The following IDI1 variants were observed in gnomAD, a reference collection of about 807,000 sequenced individuals.
IDI1 encodes isopentenyl-diphosphate Delta-isomerase 1.
A neutral mutation model predicts 32.9 loss-of-function variants in IDI1; 23 were observed. That is an observed-to-expected ratio of 0.70 (90% CI 0.50 to 0.99). The LOEUF is 0.99. Among genes scored for constraint, IDI1 ranks in the 50% least tolerant of loss-of-function variants. IDI1 has a pLI of 0.00. For missense variants in IDI1, 326 were observed against 351.9 expected (o/e 0.93, Z 0.59); for synonymous variants, 133 against 128.2 (o/e 1.04, Z -0.25).
At chr10:1,053,305 C>T (rs908815623), upstream of IDI1, among the ~76,000 whole-genome samples, 1 of 152,154 alleles carries the variant, frequency 6.6e-6, no homozygotes, top group Non-Finnish European at 1.5e-5. Context: ...CCTGGCCTAT[C>T]TTGCACTTTT....
Position 1,042,760 on chromosome 10 carries a change from A to G in IDI1, c.409T>C (p.Cys137Arg). The G allele has an allele frequency of 1.2e-6, 2 of 1,613,670 alleles. No individual in the cohort carries two copies. The highest frequency in any genetic ancestry group is 1.7e-6 in the Non-Finnish European group (2 of 1,179,732). The change falls in exon 4 of 5, where the codon TGT (cysteine) becomes CGT (arginine). Residue 137 changes from cysteine (C) to arginine (R), a missense_variant and splice_region_variant. By Grantham distance (180) the Cys-to-Arg change is radical (BLOSUM62 -3). Transcript: ENST00000381344. The part of the protein sequence containing the change: ...RSDAKITFPG[C>R]FTNTCCSHPL... ...TGACTACAACACGTATTCGTAAAAC[A>G]ACCTGGAAAATGGTAATACAGAGAC...
upstream of IDI1, among the ~76,000 whole-genome samples, chr10:1,050,048 G>C (rs1832957881): frequency 6.6e-6 from 1 of 152,208 alleles, no homozygotes; most frequent in African/African-American, 2.4e-5. Flanking sequence ...TACTGAACTT[G>C]TGAGATGAAC....
intron 4 of IDI1, 87 bp from the exon 5 acceptor site, chr10:1,041,591 A>G: frequency 3.1e-6 from 2 of 651,508 alleles, no homozygotes; most frequent in Non-Finnish European, 2.6e-6. Flanking sequence ...TTACAGCGAT[A>G]TCTCGAACAG....
chr10:1,044,230 AAC>A, intron 1 of IDI1, 59 bp from the exon 2 acceptor site: 1 of 1,303,094 alleles, frequency 7.7e-7, no homozygotes, highest in Admixed American at 1.9e-5. Flanking sequence ...ATGTCATATA[AAC>A]ACAGGTTAAT....
chr10:1,053,721 T>C (rs531798523), upstream of IDI1, among the ~76,000 whole-genome samples: 1 of 152,294 alleles, frequency 6.6e-6, no homozygotes, highest in South Asian at 2.1e-4. Flanking sequence ...TTTAGGGCTA[T>C]TAATTGCCTG....
At chr10:1,049,261 G>T (rs1832913339), upstream of IDI1, 6 of 545,038 alleles carry the variant, frequency 1.1e-5, no homozygotes, top group Non-Finnish European at 1.8e-5. Context: ...TGCCGTGCGA[G>T]CCCGAGGCGC....
rs753609650 is a variant in IDI1, at chr10:1,041,492, C to A, written c.550G>T (p.Glu184Ter). Residue 184 changes from glutamate to a stop codon, truncating the protein, a stop_gained, in exon 5 of 5, where the codon GAA (glutamate) becomes TAA (stop). Transcript: ENST00000381344. LOFTEE classifies it high-confidence loss of function. ...TGAATTCGTGTTAAATAATTAATTT[C>A]TTCTGGAGGAACCTAAGACATTAAA... ...GIPLEEVPPEEINYLTRIHYK... is the reference protein window; with the variant it reads ...GIPLEEVPPE 6.4e-7 allele frequency: 1 copy of A among 1,554,638 alleles called. No individual in the cohort carries two copies. The highest frequency in any genetic ancestry group is 1.9e-5 in the Admixed American group (1 of 53,076).
At chr10:1,043,755 T>C (rs1564485537) in intron 2 of IDI1, 2 of 668,098 alleles carry the variant, frequency 3.0e-6, no homozygotes, top group Admixed American at 2.0e-5. Flanking sequence ...TCAGGGCTAG[T>C]CCCTCTTCTA....
chr10:1,048,560 G>C (rs1165405833), intron 1 of IDI1: 1 of 1,332,840 alleles, frequency 7.5e-7, no homozygotes, highest in Admixed American at 3.3e-5. Flanking sequence ...CCAGTTCCAC[G>C]AGTTCCTAAA....
chr10:1,053,697 G>GAA (rs2131591814), upstream of IDI1, among the ~76,000 whole-genome samples: 1 of 151,672 alleles, frequency 6.6e-6, no homozygotes, highest in African/African-American at 2.4e-5. Context: ...ATTCTTTTAT[G>GAA]AAACAGTAGC....
In IDI1 at chr10:1,043,362, TAAG is replaced by T. The variant is rs754583652; in HGVS notation, c.342_344del (p.Phe114del). On this transcript the variant is annotated inframe_deletion, in exon 3 of 5. Transcript: ENST00000381344. ...GCAGAAGCTTATTTTCGGTGTTGAA[TAAG>T]AAGACACTAAAAGCTCGATGCAATA... 27 of 1,610,470 alleles carry T rather than the reference TAAG, an allele frequency of 1.7e-5. No individual in the cohort carries two copies. Among genetic ancestry groups the T allele is most frequent in the Non-Finnish European group, 2.2e-5 (26 of 1,176,700 alleles).
At chr10:1,055,882 C>T in the IDI1 span, among the ~76,000 whole-genome samples, 1 of 152,122 alleles carries the variant, frequency 6.6e-6, no homozygotes, top group Non-Finnish European at 1.5e-5. Context: ...GATCTCGGCT[C>T]ACTGCAACCT....
At chr10:1,048,825 TG>T in intron 1 of IDI1, 38 bp downstream of exon 1, 1 of 1,590,618 alleles carries the variant, frequency 6.3e-7, no homozygotes, top group African/African-American at 1.4e-5. Flanking sequence ...GATGCCGCCC[TG>T]CCCCTGTCTC....
rs1234103077 is a variant in IDI1, at chr10:1,040,492, A to G, written c.*695T>C. ...TATGAACACCTCTGTGCTCACTGTA[A>G]TTCTGAAAACACAGACTTTGCTAAC... On this transcript the variant is annotated 3_prime_UTR_variant, in exon 5 of 5. Coordinates refer to ENST00000381344, the MANE Select transcript of IDI1 (RefSeq NM_004508.4). The G allele has an allele frequency of 1.3e-5, 2 of 152,286 alleles. No homozygotes were observed. Among genetic ancestry groups the G allele is most frequent in the Non-Finnish European group, 2.9e-5 (2 of 68,072 alleles). The allele number at this position is 152,286 out of a possible 1,614,324, so 9.4% of individuals were successfully genotyped here.
chr10:1,050,810 T>C (rs2131588429), upstream of IDI1, among the ~76,000 whole-genome samples: 1 of 152,328 alleles, frequency 6.6e-6, no homozygotes, highest in South Asian at 2.1e-4. Flanking sequence ...CCTATGCAGG[T>C]GTGGCGAGAA....
intron 1 of IDI1, chr10:1,048,164 G>A (rs1832857369): frequency 1.8e-6 from 2 of 1,117,930 alleles, no homozygotes; most frequent in Admixed American, 4.7e-5. Context: ...CAGCTGTAAT[G>A]ACAATTGCTC....
intron 3 of IDI1, 100 bp from the exon 4 acceptor site, chr10:1,042,862 T>C (rs1832659186): frequency 1.8e-6 from 2 of 1,090,360 alleles, no homozygotes; most frequent in Admixed American, 2.0e-5. Flanking sequence ...AAATGATTTT[T>C]AAGGATTTTA....
intron 1 of IDI1, 122 bp from the exon 2 acceptor site, chr10:1,044,293 G>A (rs953506063): frequency 4.9e-5 from 34 of 691,174 alleles, no homozygotes; most frequent in Non-Finnish European, 7.6e-5. Flanking sequence ...TCCCCACAGG[G>A]ACCCCAAGAA....
chr10:1,044,693 T>A (rs762152534), intron 1 of IDI1, among the ~76,000 whole-genome samples: 1 of 152,208 alleles, frequency 6.6e-6, no homozygotes, highest in Non-Finnish European at 1.5e-5. Context: ...TTTCTACCAA[T>A]GTCACAGTAA....
Sources: allele counts gnomAD v4.1 joint callset (sites outside exome capture counted in the v4.1 genomes callset), GRCh38; gene constraint gnomAD v4.1.1; transcripts MANE v1.5; gene names NCBI Gene and HGNC (gene_info 2026-07-23, HGNC 2026-07-21).